GMPR: variants seen among roughly 807,000 people sequenced by gnomAD.
The protein encoded by GMPR is GMP reductase 1.
GMPR carries 31 observed loss-of-function variants against 38.4 expected under a neutral mutation model. That is an observed-to-expected ratio of 0.81 (90% CI 0.61 to 1.09). GMPR has a LOEUF of 1.09. GMPR is among the 50% of genes least tolerant of loss of function. GMPR has a pLI of 0.00. For synonymous variants in GMPR, 162 were observed against 173.3 expected, an observed-to-expected ratio of 0.93 and a Z score of 0.51; for missense variants, 468 against 453.7, an observed-to-expected ratio of 1.03 and a Z score of -0.29.
chr6:16,274,345 G>T (rs1311643821), intron 4 of GMPR, 70 bp from the exon 5 acceptor site: 4 of 958,804 alleles, frequency 4.2e-6, no homozygotes, highest in East Asian at 4.8e-5. Flanking sequence ...TCGTGTTCAG[G>T]TGTGGGGTTC....
At chr6:16,274,675 T>C (rs1362376722) in intron 5 of GMPR, among the ~76,000 whole-genome samples, 179 bp downstream of exon 5, 2 of 152,170 alleles carry the variant, frequency 1.3e-5, no homozygotes, top group Non-Finnish European at 2.9e-5. Context: ...AAAAGTATTG[T>C]TGAGCTGCTT....
At chr6:16,260,806 T>C (rs142972701) in intron 4 of GMPR, among the ~76,000 whole-genome samples, 2,118 of 151,818 alleles carry the variant, frequency 0.014, 31 homozygotes, top group Non-Finnish European at 0.02. Flanking sequence ...ATGGAGTGAA[T>C]GTCAGGTGGA....
chr6:16,266,312 C>G (rs917273191), intron 4 of GMPR, among the ~76,000 whole-genome samples: 1 of 151,616 alleles, frequency 6.6e-6, no homozygotes, highest in Non-Finnish European at 1.5e-5. Flanking sequence ...CATGAACCCA[C>G]GAGGAGGAAC....
Position 16,285,804 on chromosome 6 carries a change from TAC to T in GMPR, c.667_668del (p.Thr223ValfsTer34). The T allele has an allele frequency of 6.2e-7, 1 of 1,613,320 alleles. No individual in the cohort carries two copies. The highest frequency in any genetic ancestry group is 8.5e-7 in the Non-Finnish European group (1 of 1,179,656). ...TTTCCTCTGTGAAGGATGGAGGCTG[TAC>T]GTGTCCAGGGGATGTCGCCAAAGCC... ...KGHIISDGGC[T>X]CPGDVAKAFG... On this transcript the variant is annotated frameshift_variant, in exon 7 of 9. Transcript: ENST00000259727. LOFTEE classifies it high-confidence loss of function.
intron 8 of GMPR, among the ~76,000 whole-genome samples, chr6:16,293,877 T>C (rs976512127): frequency 3.3e-5 from 5 of 152,372 alleles, no homozygotes; most frequent in Non-Finnish European, 7.3e-5. Context: ...AGAACTTGCA[T>C]GGCCCTTAGA....
At chr6:16,261,900 A>G (rs1759093428) in intron 4 of GMPR, among the ~76,000 whole-genome samples, 1 of 151,876 alleles carries the variant, frequency 6.6e-6, no homozygotes, top group Non-Finnish European at 1.5e-5. Context: ...AAGGGCGGCA[A>G]TGAGATGTAG....
chr6:16,276,880 C>T (rs1194562235), intron 5 of GMPR, among the ~76,000 whole-genome samples: 1 of 152,228 alleles, frequency 6.6e-6, no homozygotes, highest in African/African-American at 2.4e-5. Flanking sequence ...TATGCACCAA[C>T]TTCTTCTTTC....
At chr6:16,287,013 C>T (rs1002437248) in intron 7 of GMPR, among the ~76,000 whole-genome samples, 3 of 152,102 alleles carry the variant, frequency 2.0e-5, no homozygotes, top group East Asian at 1.9e-4. Context: ...TCATAGCAAC[C>T]CAAAGATGTC....
At chr6:16,265,172 C>T (rs1359955230) in intron 4 of GMPR, among the ~76,000 whole-genome samples, 1 of 152,232 alleles carries the variant, frequency 6.6e-6, no homozygotes, top group Non-Finnish European at 1.5e-5. Context: ...AGGGTGATCT[C>T]AAACTCCTGA....
intron 7 of GMPR, among the ~76,000 whole-genome samples, chr6:16,288,460 G>A (rs896580510): frequency 6.6e-6 from 1 of 152,338 alleles, no homozygotes; most frequent in African/African-American, 2.4e-5. Context: ...GCGCTGCGCT[G>A]GATTTCTGGC....
At chr6:16,264,539 T>C in intron 4 of GMPR, 1 of 152,430 alleles carries the variant, frequency 6.6e-6, no homozygotes, top group East Asian at 1.9e-4. Context: ...AACATGGCTG[T>C]TTATTTCACC....
intron 7 of GMPR, among the ~76,000 whole-genome samples, chr6:16,286,400 GC>G (rs1489602885): frequency 1.3e-5 from 2 of 151,906 alleles, no homozygotes; most frequent in Admixed American, 6.6e-5. Context: ...CGGCTGCCGA[GC>G]CATGTGTTGG....
chr6:16,285,879 G>C, intron 7 of GMPR, 44 bp downstream of exon 7: 1 of 1,509,714 alleles, frequency 6.6e-7, no homozygotes, highest in Non-Finnish European at 9.1e-7. Flanking sequence ...GAAGGAAGGA[G>C]GGAGCTCCCT....
At position 16,295,252 on chromosome 6, in the gene GMPR, C is replaced by A; in HGVS notation, c.*66C>A. 1 of 1,209,362 alleles carries A rather than the reference C, an allele frequency of 8.3e-7. No individual in the cohort carries two copies. The highest frequency in any genetic ancestry group is 1.1e-6 in the Non-Finnish European group (1 of 892,482). 74.9% of individuals were successfully genotyped at this position (1,209,362 alleles called of 1,614,324 possible). On this transcript the variant is annotated 3_prime_UTR_variant, in exon 9 of 9. Transcript: ENST00000259727. ...CAAACCTGCTTTTCCCATCTCCCCC[C>A]AAGTCTGTTCCGTCAGAGCTTCTGG...
intron 1 of GMPR, among the ~76,000 whole-genome samples, chr6:16,242,304 G>A (rs1758664366): frequency 6.7e-6 from 1 of 149,564 alleles, no homozygotes. Context: ...GGATACCTGT[G>A]TTTTAGTCCA....
At chr6:16,269,546 A>G (rs764856690) in intron 4 of GMPR, among the ~76,000 whole-genome samples, 6 of 152,166 alleles carry the variant, frequency 3.9e-5, no homozygotes, top group Non-Finnish European at 5.9e-5. Flanking sequence ...CTGTAATCCT[A>G]CCACTTTGGG....
intron 3 of GMPR, among the ~76,000 whole-genome samples, 159 bp from the exon 4 acceptor site, chr6:16,254,403 C>T (rs1224044031): frequency 6.6e-6 from 1 of 152,234 alleles, no homozygotes; most frequent in Non-Finnish European, 1.5e-5. Context: ...CCCTTTACCT[C>T]TGCTGTTGCA....
intron 4 of GMPR, chr6:16,259,474 A>G (rs1326096570): frequency 6.6e-6 from 1 of 151,932 alleles, no homozygotes; most frequent in East Asian, 1.9e-4. Context: ...AAATAGTGGT[A>G]AAGTGTTGGG....
rs373613668 is a variant in GMPR, at chr6:16,266,799, C to CA, written c.466-7613dup. Among the ~76,000 whole-genome samples, 561 of 151,274 alleles carry CA rather than the reference C, an allele frequency of 3.7e-3. 1 individual carries two copies. The highest frequency in any genetic ancestry group is 0.012 in the African/African-American group (496 of 41,270). ...GCGAGACTCCGTCTCAAAAAACAAA[C>CA]AAACAAAAAAAGAGCTGTAACACTC... On this transcript the variant is annotated intron_variant, in intron 4 of 8. Transcript: ENST00000259727.
Sources: allele counts gnomAD v4.1 joint callset (sites outside exome capture counted in the v4.1 genomes callset), GRCh38; gene constraint gnomAD v4.1.1; transcripts MANE v1.5; gene names NCBI Gene and HGNC (gene_info 2026-07-23, HGNC 2026-07-21).